KCNMB2: variants seen among roughly 807,000 people sequenced by gnomAD.
KCNMB2 encodes the protein potassium calcium-activated channel subfamily M regulatory beta subunit 2, also known as calcium-activated potassium channel subunit beta-2.
A neutral mutation model predicts 24.5 loss-of-function variants in KCNMB2; 9 were observed. That is an observed-to-expected ratio of 0.37 (90% CI 0.22 to 0.64). KCNMB2 has a LOEUF of 0.64. KCNMB2 is among the 30% of genes least tolerant of loss of function. The pLI, the probability that KCNMB2 is intolerant of heterozygous loss-of-function variation, is 0.63. For synonymous variants in KCNMB2, 109 were observed against 104.4 expected, an observed-to-expected ratio of 1.04 and a Z score of -0.27; for missense variants, 226 against 284.3, an observed-to-expected ratio of 0.79 and a Z score of 1.47.
chr3:178,591,751 T>A (rs947115766), intron 1 of KCNMB2, among the ~76,000 whole-genome samples: 2 of 152,158 alleles, frequency 1.3e-5, no homozygotes, highest in African/African-American at 4.8e-5. Context: ...CCCTTCTTGC[T>A]ATAGTCAAAT....
intron 1 of KCNMB2, among the ~76,000 whole-genome samples, chr3:178,583,613 TA>T (rs1226991934): frequency 6.6e-6 from 1 of 152,192 alleles, no homozygotes; most frequent in Non-Finnish European, 1.5e-5. Context: ...AAAAGCAGAA[TA>T]AAAATTTCCT....
At chr3:178,838,482 A>T (rs956199246) in intron 4 of KCNMB2, among the ~76,000 whole-genome samples, 10 of 152,050 alleles carry the variant, frequency 6.6e-5, no homozygotes, top group African/African-American at 2.4e-4. Flanking sequence ...GGTTTACGAT[A>T]AATGCCAGCA....
intron 1 of KCNMB2, among the ~76,000 whole-genome samples, chr3:178,646,077 T>C (rs1719913844): frequency 6.6e-6 from 1 of 152,088 alleles, no homozygotes. Flanking sequence ...AAACGTCTCA[T>C]CTGAACACAA....
chr3:178,711,045 C>T (rs1466721063), intron 1 of KCNMB2, among the ~76,000 whole-genome samples: 1 of 152,072 alleles, frequency 6.6e-6, no homozygotes, highest in Non-Finnish European at 1.5e-5. Context: ...GGAACTATAC[C>T]TATCCGTTTA....
Position 178,758,673 on chromosome 3 carries a change from GAT to G in KCNMB2, c.-67-48655_-67-48654del, listed in dbSNP as rs1169653482. 4.3e-3 allele frequency among the ~76,000 whole-genome samples: 129 copies of G among 30,268 alleles called. 18 individuals are homozygous for G. Among genetic ancestry groups the G allele is most frequent in the African/African-American group, 0.011 (75 of 6,626 alleles). The allele number at this position is 30,268 out of a possible 152,430, so 19.9% of individuals were successfully genotyped here. ...ATATATATATATCTCTCTCCAAGAG[GAT>G]ATATATATATATATCTCTCTCTCTA... On this transcript the variant is annotated intron_variant, in intron 1 of 4. Coordinates refer to ENST00000452583, the MANE Select transcript of KCNMB2 (RefSeq NM_181361.3).
intron 1 of KCNMB2, among the ~76,000 whole-genome samples, chr3:178,740,445 A>T (rs1356439995): frequency 6.6e-6 from 1 of 152,152 alleles, no homozygotes; most frequent in Non-Finnish European, 1.5e-5. Context: ...TATTATAGAT[A>T]TTAGCAGTTG....
intron 1 of KCNMB2, among the ~76,000 whole-genome samples, chr3:178,677,275 A>G (rs1375846264): frequency 6.6e-6 from 1 of 152,146 alleles, no homozygotes; most frequent in African/African-American, 2.4e-5. Flanking sequence ...CTACATATTT[A>G]TATCTCTTTT....
At chr3:178,731,862 C>T (rs1029169065) in intron 1 of KCNMB2, among the ~76,000 whole-genome samples, 5 of 152,166 alleles carry the variant, frequency 3.3e-5, no homozygotes, top group African/African-American at 9.7e-5. Flanking sequence ...TAGGTTGTGC[C>T]GCTGCACTCC....
chr3:178,729,734 T>C lies in KCNMB2; in HGVS notation c.-67-77609T>C, dbSNP rs186085191. On this transcript the variant is annotated intron_variant, in intron 1 of 4. Coordinates refer to ENST00000452583, the MANE Select transcript of KCNMB2 (RefSeq NM_181361.3). Reference sequence around the variant, plus strand: ...TCAGCTTGTTAATTGTATGTATGTATGAAGCAAATGGTCTTTGAATAGTTG... The same window carrying C: ...TCAGCTTGTTAATTGTATGTATGTACGAAGCAAATGGTCTTTGAATAGTTG... Among the ~76,000 whole-genome samples, 10 of 152,274 alleles carry C rather than the reference T, an allele frequency of 6.6e-5. No individual in the cohort carries two copies. The East Asian group carries it at 1.7e-3, about 26-fold the overall frequency.
At chr3:178,674,669 G>C (rs1169629592) in intron 1 of KCNMB2, among the ~76,000 whole-genome samples, 1 of 151,988 alleles carries the variant, frequency 6.6e-6, no homozygotes, top group African/African-American at 2.4e-5. Context: ...AGCAGTCTCG[G>C]TGAGCCTAAC....
intron 1 of KCNMB2, among the ~76,000 whole-genome samples, chr3:178,559,186 T>TA (rs1371513046): frequency 2.6e-5 from 4 of 152,202 alleles, no homozygotes; most frequent in African/African-American, 9.6e-5. Flanking sequence ...TGTATGACTA[T>TA]AAAGTCAGGA....
chr3:178,650,947 A>G (rs1720094002), intron 1 of KCNMB2, among the ~76,000 whole-genome samples: 1 of 152,230 alleles, frequency 6.6e-6, no homozygotes, highest in Non-Finnish European at 1.5e-5. Flanking sequence ...ACCCACAGCC[A>G]ATATCATATT....
At chr3:178,708,424 T>G (rs1246211661) in intron 1 of KCNMB2, among the ~76,000 whole-genome samples, 3 of 152,138 alleles carry the variant, frequency 2.0e-5, no homozygotes, top group Non-Finnish European at 4.4e-5. Flanking sequence ...CAACAAACTG[T>G]GGGGTAAAAT....
chr3:178,568,857 TA>T (rs1301196114), intron 1 of KCNMB2, among the ~76,000 whole-genome samples: 85 of 94,658 alleles, frequency 9.0e-4, no homozygotes, highest in African/African-American at 3.7e-3. Context: ...AGATAGATGA[TA>T]GATAGATAGA....
At chr3:178,736,005 C>T (rs538054616) in intron 1 of KCNMB2, among the ~76,000 whole-genome samples, 2 of 152,256 alleles carry the variant, frequency 1.3e-5, no homozygotes, top group African/African-American at 2.4e-5. Flanking sequence ...GTCTACTACA[C>T]ATTTGGCACA....
At chr3:178,735,334 C>T (rs1041988730) in intron 1 of KCNMB2, among the ~76,000 whole-genome samples, 1 of 41,186 alleles carries the variant, frequency 2.4e-5, no homozygotes, top group East Asian at 5.3e-4. Context: ...CTCCAGGGTG[C>T]CAAGAAAGGC....
intron 1 of KCNMB2, chr3:178,749,371 A>G (rs1723769372): frequency 6.6e-6 from 1 of 152,258 alleles, no homozygotes; most frequent in Non-Finnish European, 1.5e-5. Context: ...TCAACTGGTA[A>G]CACCTAGCAC....
At position 178,560,670 on chromosome 3, in the gene KCNMB2, T is replaced by G. The variant is rs147653075; in HGVS notation, c.-68+23959T>G. Among the ~76,000 whole-genome samples, 81 of 152,340 alleles carry G rather than the reference T, an allele frequency of 5.3e-4. 1 individual carries two copies. The East Asian group carries it at 0.014, about 27-fold the overall frequency. On this transcript the variant is annotated intron_variant, in intron 1 of 4. Coordinates refer to ENST00000452583, the MANE Select transcript of KCNMB2 (RefSeq NM_181361.3). ...CTCTACACTGTTCTTTGATAGAGAG[T>G]TCACTGACTTAAGGTGATAAAGATT...
At chr3:178,601,448 G>C (rs893567466) in intron 1 of KCNMB2, among the ~76,000 whole-genome samples, 1 of 152,176 alleles carries the variant, frequency 6.6e-6, no homozygotes, top group Non-Finnish European at 1.5e-5. Flanking sequence ...ATGTGGCCCC[G>C]TGAGGGGTTT....
Sources: allele counts gnomAD v4.1 joint callset (sites outside exome capture counted in the v4.1 genomes callset), GRCh38; gene constraint gnomAD v4.1.1; transcripts MANE v1.5; gene names NCBI Gene and HGNC (gene_info 2026-07-23, HGNC 2026-07-21).